The following LYN variants were observed in gnomAD, a reference collection of about 807,000 sequenced individuals.
LYN encodes LYN proto-oncogene, Src family tyrosine kinase, also known as tyrosine-protein kinase Lyn.
A neutral mutation model predicts 65.0 loss-of-function variants in LYN; 12 were observed. The observed-to-expected ratio is 0.18, with a 90% confidence interval of 0.12 to 0.30. The LOEUF (loss-of-function observed/expected upper bound fraction) is 0.30, where lower values mean the gene tolerates loss of function less well. Ranked by LOEUF, LYN falls within the 10% of genes least tolerant of loss-of-function variation. The pLI is 1.00. For missense variants in LYN, 380 were observed against 623.2 expected (o/e 0.61, Z 4.16); for synonymous variants, 222 against 221.2 (o/e 1.00, Z -0.03).
At chr8:55,978,667 C>G (rs1807829011) in intron 10 of LYN, among the ~76,000 whole-genome samples, 1 of 152,170 alleles carries the variant, frequency 6.6e-6, no homozygotes, top group Non-Finnish European at 1.5e-5. Context: ...AGAGAGCAGG[C>G]TGGGGACACC....
intron 1 of LYN, among the ~76,000 whole-genome samples, chr8:55,925,550 G>A (rs1806083576): frequency 6.6e-6 from 1 of 152,218 alleles, no homozygotes; most frequent in African/African-American, 2.4e-5. Flanking sequence ...CAGGCCTTAA[G>A]GGAGAAGGGC....
chr8:55,988,291 GGTGTGTGTGTGTGTGT>G (rs57413136), intron 10 of LYN, among the ~76,000 whole-genome samples: 4 of 142,184 alleles, frequency 2.8e-5, no homozygotes, highest in Admixed American at 7.0e-5. Context: ...CAAACTCCCT[GGTGTGTGTGTGTGTGT>G]GTGTGTGTGT....
At chr8:55,911,162 T>TATATATACGTGTATATATGTAC (rs1181155896) in intron 1 of LYN, among the ~76,000 whole-genome samples, 3 of 32,582 alleles carry the variant, frequency 9.2e-5, no homozygotes, top group Admixed American at 3.6e-4. Flanking sequence ...TATATGTACA[T>TATATATACGTGTATATATGTAC]ATATATACAC....
chr8:55,883,414 G>C (rs938010763), intron 1 of LYN, among the ~76,000 whole-genome samples: 12 of 152,200 alleles, frequency 7.9e-5, no homozygotes, highest in Admixed American at 5.2e-4. Context: ...ACTTCAAGCT[G>C]TCTTCTAGAA....
chr8:55,961,508 A>G (rs1453777654), intron 8 of LYN, among the ~76,000 whole-genome samples: 1 of 152,082 alleles, frequency 6.6e-6, no homozygotes, highest in Non-Finnish European at 1.5e-5. Flanking sequence ...AGCTGCCGCC[A>G]TTCTTGGGCC....
intron 1 of LYN, among the ~76,000 whole-genome samples, chr8:55,923,220 C>T (rs1805995684): frequency 1.3e-5 from 2 of 152,086 alleles, no homozygotes; most frequent in African/African-American, 2.4e-5. Flanking sequence ...TTGGGGGTGG[C>T]CTCTAAGGTA....
At chr8:55,969,626 T>G (rs753041622) in intron 9 of LYN, 91 bp from the exon 10 acceptor site, 59 of 956,924 alleles carry the variant, frequency 6.2e-5, no homozygotes, top group Non-Finnish European at 9.6e-5. Context: ...TTGTGGGGAG[T>G]TCCCCTGTAA....
At chr8:56,003,000 A>T (rs1258780713) in intron 12 of LYN, among the ~76,000 whole-genome samples, 1 of 152,172 alleles carries the variant, frequency 6.6e-6, no homozygotes, top group Non-Finnish European at 1.5e-5. Flanking sequence ...ATCCACGATG[A>T]ATGGAATTAT....
chr8:55,891,008 C>T (rs1804945300), intron 1 of LYN, among the ~76,000 whole-genome samples: 1 of 151,238 alleles, frequency 6.6e-6, no homozygotes, highest in Non-Finnish European at 1.5e-5. Context: ...GGATTGCAGG[C>T]ATGAACCACC....
Position 56,011,883 on chromosome 8 carries a change from C to T in LYN, c.*1773C>T, listed in dbSNP as rs1808827471. ...ACACCCCCCTGCTTGCATTTTATTT[C>T]AGAACCACAAGTATTACCCAATATG... On this transcript the variant is annotated 3_prime_UTR_variant, in exon 13 of 13. Transcript: ENST00000519728. 1 of 185,910 alleles carries T rather than the reference C, an allele frequency of 5.4e-6. No individual in the cohort carries two copies. The highest frequency in any genetic ancestry group is 1.1e-5 in the Non-Finnish European group (1 of 88,060). 11.5% of individuals were successfully genotyped at this position (185,910 alleles called of 1,614,324 possible).
At chr8:55,925,004 G>A (rs189421007) in intron 1 of LYN, among the ~76,000 whole-genome samples, 1 of 152,022 alleles carries the variant, frequency 6.6e-6, no homozygotes, top group Non-Finnish European at 1.5e-5. Context: ...ACCACACCTG[G>A]CTAATTTTTA....
chr8:55,986,463 A>T (rs1554518252), intron 10 of LYN, among the ~76,000 whole-genome samples: 3 of 152,158 alleles, frequency 2.0e-5, no homozygotes, highest in Non-Finnish European at 2.9e-5. Flanking sequence ...TCATTGACAA[A>T]CTTTTCTTCC....
intron 1 of LYN, among the ~76,000 whole-genome samples, chr8:55,937,672 C>T (rs1435148139): frequency 6.6e-6 from 1 of 152,128 alleles, no homozygotes. Flanking sequence ...CCTACTGCCT[C>T]TGGTAAGAGT....
intron 1 of LYN, among the ~76,000 whole-genome samples, chr8:55,901,576 G>A (rs371012195): frequency 1.3e-5 from 2 of 152,288 alleles, no homozygotes; most frequent in East Asian, 3.9e-4. Flanking sequence ...CCTAGTGACA[G>A]GCAGAGGAAT....
chr8:55,893,462 T>C (rs1183872860), intron 1 of LYN: 1 of 152,228 alleles, frequency 6.6e-6, no homozygotes, highest in Non-Finnish European at 1.5e-5. Context: ...AAATAAAGAC[T>C]CATTTTTCTG....
At chr8:55,892,918 T>G (rs7820484) in intron 1 of LYN, among the ~76,000 whole-genome samples, 10,119 of 152,186 alleles carry the variant, frequency 0.066, 583 homozygotes, top group African/African-American at 0.16. Context: ...AGCAGAATGA[T>G]GTTGACCCTC....
intron 1 of LYN, among the ~76,000 whole-genome samples, chr8:55,929,153 C>T (rs1260642244): frequency 6.6e-6 from 1 of 152,096 alleles, no homozygotes; most frequent in Non-Finnish European, 1.5e-5. Context: ...TGTACTGAGT[C>T]TTTTTGTTAC....
At chr8:55,973,743 T>C (rs1807671938) in intron 10 of LYN, among the ~76,000 whole-genome samples, 1 of 152,164 alleles carries the variant, frequency 6.6e-6, no homozygotes, top group Admixed American at 6.5e-5. Flanking sequence ...GTGCAAAAAT[T>C]ACTAAAAATG....
chr8:55,986,492 A>G (rs1399117114), intron 10 of LYN, among the ~76,000 whole-genome samples: 3 of 152,188 alleles, frequency 2.0e-5, no homozygotes, highest in African/African-American at 7.2e-5. Context: ...AAAGAAGGTA[A>G]TTCTGTTTCG....
Sources: gnomAD v4.1 joint callset for allele counts (sites outside exome capture counted in the v4.1 genomes callset) on GRCh38, gnomAD v4.1.1 for gene constraint, MANE v1.5 for transcripts, NCBI Gene and HGNC (gene_info 2026-07-23, HGNC 2026-07-21) for gene names.